The following MDFIC variants were observed in gnomAD, a reference collection of about 807,000 sequenced individuals.
MDFIC encodes the protein myoD family inhibitor domain-containing protein.
MDFIC carries 17 observed loss-of-function variants against 23.2 expected under a neutral mutation model. That is an observed-to-expected ratio of 0.73 (90% CI 0.50 to 1.10). MDFIC has a LOEUF of 1.10. Among genes scored for constraint, MDFIC ranks in the 50% least tolerant of loss-of-function variants. MDFIC has a pLI of 0.00. For missense variants in MDFIC, 356 were observed against 316.6 expected, an observed-to-expected ratio of 1.12 and a Z score of -0.95; for synonymous variants, 120 against 115.2, an observed-to-expected ratio of 1.04 and a Z score of -0.27.
chr7:114,993,441 G>A (rs1169086876), intron 4 of MDFIC, among the ~76,000 whole-genome samples: 1 of 152,142 alleles, frequency 6.6e-6, no homozygotes, highest in Non-Finnish European at 1.5e-5. Flanking sequence ...TAATTGTGAT[G>A]TTAGGGTGTC....
chr7:114,948,840 G>A (rs1288326735), intron 3 of MDFIC, among the ~76,000 whole-genome samples: 1 of 152,138 alleles, frequency 6.6e-6, no homozygotes, highest in Non-Finnish European at 1.5e-5. Flanking sequence ...TTAATGAGTT[G>A]TGAAATGACA....
At chr7:114,970,827 C>T (rs1389807422) in intron 3 of MDFIC, among the ~76,000 whole-genome samples, 2 of 152,064 alleles carry the variant, frequency 1.3e-5, no homozygotes, top group African/African-American at 4.8e-5. Context: ...GTCTCAGATC[C>T]CTGGCTACCA....
chr7:114,969,546 G>A (rs1298317008), intron 3 of MDFIC, among the ~76,000 whole-genome samples: 1 of 152,140 alleles, frequency 6.6e-6, no homozygotes, highest in Non-Finnish European at 1.5e-5. Flanking sequence ...TGTATAAAAT[G>A]TATTCTATTA....
intron 4 of MDFIC, among the ~76,000 whole-genome samples, chr7:115,001,353 G>A (rs1791463036): frequency 6.6e-6 from 1 of 152,164 alleles, no homozygotes; most frequent in Admixed American, 6.5e-5. Flanking sequence ...AAATCAAACT[G>A]GAGGAACTGG....
chr7:115,014,479 C>T (rs910699422), intron 4 of MDFIC: 25 of 1,289,598 alleles, frequency 1.9e-5, no homozygotes, highest in Non-Finnish European at 2.4e-5. Flanking sequence ...GACACTCCAT[C>T]GAAGGCACTT....
intron 3 of MDFIC, among the ~76,000 whole-genome samples, chr7:114,948,111 A>G (rs958778600): frequency 1.3e-5 from 2 of 152,172 alleles, no homozygotes; most frequent in African/African-American, 4.8e-5. Context: ...ACTTAAGTGT[A>G]TTGAATTAAT....
At chr7:115,004,802 G>A (rs762170137) in intron 4 of MDFIC, among the ~76,000 whole-genome samples, 6 of 151,920 alleles carry the variant, frequency 3.9e-5, no homozygotes, top group Non-Finnish European at 7.4e-5. Context: ...TGCCTCTAAT[G>A]TCTTTAATGG....
At chr7:114,924,306 T>A (rs1792148750) in intron 2 of MDFIC, among the ~76,000 whole-genome samples, 1 of 152,250 alleles carries the variant, frequency 6.6e-6, no homozygotes, top group South Asian at 2.1e-4. Context: ...GGCATGCCCT[T>A]AGTAGTCATA....
intron 4 of MDFIC, among the ~76,000 whole-genome samples, chr7:114,993,672 T>C (rs555653618): frequency 6.6e-6 from 1 of 152,344 alleles, no homozygotes; most frequent in African/African-American, 2.4e-5. Flanking sequence ...AGTGAGTTTC[T>C]TAATCCTGAG....
At chr7:114,945,569 A>G (rs1792628220) in intron 3 of MDFIC, among the ~76,000 whole-genome samples, 1 of 152,182 alleles carries the variant, frequency 6.6e-6, no homozygotes, top group Non-Finnish European at 1.5e-5. Context: ...AATTGCTAAC[A>G]TATTACAGAG....
At chr7:115,007,940 G>A (rs796767585) in intron 4 of MDFIC, among the ~76,000 whole-genome samples, 3 of 148,420 alleles carry the variant, frequency 2.0e-5, no homozygotes, top group African/African-American at 2.5e-5. Flanking sequence ...CAAGGGATCC[G>A]CCCACCTTGG....
At chr7:114,951,731 G>A (rs1284549970) in intron 3 of MDFIC, among the ~76,000 whole-genome samples, 1 of 151,954 alleles carries the variant, frequency 6.6e-6, no homozygotes, top group African/African-American at 2.4e-5. Flanking sequence ...AAATTATCAC[G>A]TGATATGGCA....
intron 3 of MDFIC, among the ~76,000 whole-genome samples, chr7:114,943,033 C>T (rs73719540): frequency 0.033 from 4,961 of 152,202 alleles, 257 homozygotes; most frequent in African/African-American, 0.11. Flanking sequence ...ATTTGCCATA[C>T]AATGAATTAT....
chr7:114,950,470 TAAAGAC>T (rs1348325382), intron 3 of MDFIC, among the ~76,000 whole-genome samples: 1 of 151,852 alleles, frequency 6.6e-6, no homozygotes, highest in African/African-American at 2.4e-5. Context: ...GGGAAGGAAA[TAAAGAC>T]AAGAAGGGCA....
intron 3 of MDFIC, among the ~76,000 whole-genome samples, chr7:114,950,701 A>G (rs1320229772): frequency 1.3e-5 from 2 of 152,186 alleles, no homozygotes; most frequent in African/African-American, 4.8e-5. Context: ...TGGGTGACTG[A>G]AATAGTTTCT....
At chr7:114,996,247 G>A (rs1298448501) in intron 4 of MDFIC, among the ~76,000 whole-genome samples, 2 of 152,174 alleles carry the variant, frequency 1.3e-5, no homozygotes, top group Admixed American at 6.5e-5. Flanking sequence ...CACATGGGAG[G>A]TAATAGGATT....
At position 114,979,489 on chromosome 7, in the gene MDFIC, T is replaced by C; in HGVS notation, c.218-17T>C. 1 of 1,570,754 alleles carries C rather than the reference T, an allele frequency of 6.4e-7. No individual in the cohort carries two copies. The highest frequency in any genetic ancestry group is 8.6e-7 in the Non-Finnish European group (1 of 1,162,058). The stretch of plus-strand genomic sequence containing the variant: ...CTTTTTCTTTAACTGGCTGACTTTT[T>C]CCTGTTTTTAATTTAGCCCAACCTC... On this transcript the variant is annotated splice_polypyrimidine_tract_variant and intron_variant, in intron 3 of 4. Coordinates refer to ENST00000393486, the MANE Select transcript of MDFIC (RefSeq NM_001166345.3).
intron 3 of MDFIC, among the ~76,000 whole-genome samples, chr7:114,969,471 G>A (rs1793164100): frequency 6.6e-6 from 1 of 152,146 alleles, no homozygotes; most frequent in Admixed American, 6.5e-5. Context: ...ATAGGATCTT[G>A]TACTGAAGGA....
intron 2 of MDFIC, among the ~76,000 whole-genome samples, chr7:114,930,325 G>A (rs922313484): frequency 6.6e-6 from 1 of 152,214 alleles, no homozygotes; most frequent in Admixed American, 6.5e-5. Context: ...AGGATGACAA[G>A]TGACAAGGGA....
Sources: allele counts gnomAD v4.1 joint callset (sites outside exome capture counted in the v4.1 genomes callset), GRCh38; gene constraint gnomAD v4.1.1; transcripts MANE v1.5; gene names NCBI Gene and HGNC (gene_info 2026-07-23, HGNC 2026-07-21).